TTLL11: variants seen among roughly 807,000 people sequenced by gnomAD.
The protein encoded by TTLL11 is tubulin tyrosine ligase like 11.
Under a neutral mutation model 51.7 loss-of-function variants are expected in TTLL11, and 42 were observed. The ratio of observed to expected loss-of-function variants is 0.81; its 90% CI spans 0.64 to 1.05. The LOEUF is 1.05. Among genes scored for constraint, TTLL11 ranks in the 50% least tolerant of loss-of-function variants. The probability of loss-of-function intolerance (pLI) is 0.00; values close to 1 mark genes in which losing one functional copy is unlikely to be tolerated. For synonymous variants in TTLL11, 381 were observed against 383.5 expected (o/e 0.99, Z 0.08); for missense variants, 799 against 940.4 (o/e 0.85, Z 1.97).
rs550110829 is a variant in TTLL11 at position 121,966,744 on chromosome 9, G to C, written c.1481+7265C>G. Among the ~76,000 whole-genome samples, 19 of 152,296 alleles carry C rather than the reference G, an allele frequency of 1.2e-4. No individual in the cohort carries two copies. The South Asian group carries it at 3.9e-3, about 32-fold the overall frequency. On this transcript the variant is annotated intron_variant, in intron 6 of 8. Coordinates refer to ENST00000321582, the MANE Select transcript of TTLL11 (RefSeq NM_001139442.2). ...ACATTGGTGTAGGAGTCAGGCCCAG[G>C]ACCCAGGTTCCAGTCTATCTCTTAC...
In TTLL11 at chr9:121,978,885, G is replaced by A. The variant is rs1159446633; in HGVS notation, c.1270-3906C>T. On this transcript the variant is annotated intron_variant, in intron 4 of 8. Coordinates refer to ENST00000321582, the MANE Select transcript of TTLL11 (RefSeq NM_001139442.2). ...AGGTCCTAGAGTCCACAAATTCAGC[G>A]TATCCAAACTCACTCTGTGGTCAAC... is the stretch of plus-strand genomic sequence containing the variant. Among the ~76,000 whole-genome samples, 5 of 152,188 alleles carry A rather than the reference G, an allele frequency of 3.3e-5. 1 individual carries two copies. The highest frequency in any genetic ancestry group is 4.1e-4 in the South Asian group (2 of 4,820).
At chr9:121,923,205 G>A (rs1238188429) in intron 6 of TTLL11, among the ~76,000 whole-genome samples, 2 of 152,036 alleles carry the variant, frequency 1.3e-5, no homozygotes, top group East Asian at 3.9e-4. Context: ...CTGATTACGG[G>A]GATAAATTAT....
intron 4 of TTLL11, among the ~76,000 whole-genome samples, chr9:121,976,088 C>T (rs1057069491): frequency 2.6e-5 from 4 of 152,154 alleles, no homozygotes; most frequent in African/African-American, 7.2e-5. Context: ...CATAAAAATG[C>T]AGGGCCCTTT....
At chr9:121,909,472 TAAG>T (rs1564300265) in intron 6 of TTLL11, among the ~76,000 whole-genome samples, 1 of 152,132 alleles carries the variant, frequency 6.6e-6, no homozygotes, top group African/African-American at 2.4e-5. Flanking sequence ...ACTCAATAAA[TAAG>T]AAGGGCTCTA....
rs972654019 is a variant in TTLL11, at chr9:121,869,959, C to T, written c.1733+538G>A. On this transcript the variant is annotated intron_variant, in intron 7 of 8. Transcript: ENST00000321582. ...TGCAGCAAAGATATAATTTCTTTATCTCATGCTTTATCTTGAAAATTCATG... is the reference window on the plus strand; with the variant it reads ...TGCAGCAAAGATATAATTTCTTTATTTCATGCTTTATCTTGAAAATTCATG... Among the ~76,000 whole-genome samples the T allele has an allele frequency of 3.9e-5, 6 of 152,220 alleles. No homozygotes were observed. In the East Asian group the frequency reaches 7.7e-4, roughly 20 times the overall value.
In TTLL11 at chr9:122,023,130, T is replaced by A. The variant is rs1337757258; in HGVS notation, c.693+8593A>T. ...CAAATGTTAGGACTAAGAGGTATCA[T>A]TAGTAAAGGTAAAGGCAGATTACTA... is the stretch of plus-strand genomic sequence containing the variant. On this transcript the variant is annotated intron_variant, in intron 3 of 8. Coordinates refer to ENST00000321582, the MANE Select transcript of TTLL11 (RefSeq NM_001139442.2). 5.3e-5 allele frequency among the ~76,000 whole-genome samples: 8 copies of A among 151,966 alleles called. No individual in the cohort carries two copies. The East Asian group carries it at 1.5e-3, about 29-fold the overall frequency.
Position 121,816,911 on chromosome 9 carries a change from C to T in TTLL11, c.*5676G>A, listed in dbSNP as rs1836429051. ...ATATGCCATAGGGGAAAATTTCTCT[C>T]ACATTCATCAAACCAAATGGGAGAT... On this transcript the variant is annotated 3_prime_UTR_variant, in exon 9 of 9. Transcript: ENST00000321582. The T allele has an allele frequency of 6.6e-6, 1 of 152,156 alleles. No individual in the cohort carries two copies. Among genetic ancestry groups the T allele is most frequent in the African/African-American group, 2.4e-5 (1 of 41,444 alleles). 9.4% of individuals were successfully genotyped at this position (152,156 alleles called of 1,614,324 possible). A position where few individuals can be genotyped will look rare whatever the true frequency, so the allele number is the denominator to read the frequency against.
At chr9:121,960,730 G>T (rs184966638) in intron 6 of TTLL11, among the ~76,000 whole-genome samples, 2 of 152,136 alleles carry the variant, frequency 1.3e-5, no homozygotes, top group Non-Finnish European at 2.9e-5. Flanking sequence ...GAGGCATGGC[G>T]CAGTCCGGGG....
chr9:121,827,199 G>A (rs1021937994), intron 8 of TTLL11, among the ~76,000 whole-genome samples: 3 of 151,934 alleles, frequency 2.0e-5, no homozygotes, highest in African/African-American at 4.8e-5. Flanking sequence ...GAAATCTTCC[G>A]AGGGAGTCCA....
At position 121,890,295 on chromosome 9, in the gene TTLL11, T is replaced by A. The variant is rs1450379739; in HGVS notation, c.1482-19547A>T. On this transcript the variant is annotated intron_variant, in intron 6 of 8. Coordinates refer to ENST00000321582, the MANE Select transcript of TTLL11 (RefSeq NM_001139442.2). This position sits in a 1 kb window ranked among gnomAD's most constrained non-coding sequence, Gnocchi z 4.3. Reference sequence around the variant, plus strand: ...CAAGCCAGCCAAGTCCTATCCCTCCTGTCACTGCAGTTCACACACATCTCT... The same window carrying A: ...CAAGCCAGCCAAGTCCTATCCCTCCAGTCACTGCAGTTCACACACATCTCT... Among the ~76,000 whole-genome samples, 1 of 152,184 alleles carries A rather than the reference T, an allele frequency of 6.6e-6. No homozygotes were observed. The highest frequency in any genetic ancestry group is 2.4e-5 in the African/African-American group (1 of 41,454).
intron 3 of TTLL11, among the ~76,000 whole-genome samples, chr9:122,007,617 GCA>G (rs1843694319): frequency 6.6e-6 from 1 of 152,094 alleles, no homozygotes. Context: ...ATCCATGAGT[GCA>G]CACTAACAGG....
At chr9:121,862,751 T>A (rs183288778) in intron 7 of TTLL11, among the ~76,000 whole-genome samples, 1 of 152,392 alleles carries the variant, frequency 6.6e-6, no homozygotes, top group African/African-American at 2.4e-5. Context: ...TCAGGTTGGC[T>A]GAACTACATT....
intron 8 of TTLL11, among the ~76,000 whole-genome samples, chr9:121,854,944 A>G (rs1490331823): frequency 6.6e-6 from 1 of 152,174 alleles, no homozygotes; most frequent in Non-Finnish European, 1.5e-5. Context: ...TTAAATGACA[A>G]TTAACATTGG....
intron 3 of TTLL11, among the ~76,000 whole-genome samples, chr9:122,000,782 T>G (rs1026839845): frequency 6.6e-6 from 1 of 152,234 alleles, no homozygotes; most frequent in Non-Finnish European, 1.5e-5. Flanking sequence ...TTGTCTACTT[T>G]CTTAATAAAC....
intron 1 of TTLL11, among the ~76,000 whole-genome samples, chr9:122,066,382 AGAC>A (rs1345514568): frequency 6.6e-6 from 1 of 152,094 alleles, no homozygotes; most frequent in Non-Finnish European, 1.5e-5. Flanking sequence ...GTGGAGTGGG[AGAC>A]AACAGGGAAG....
At chr9:121,850,849 C>T (rs1000127784) in intron 8 of TTLL11, among the ~76,000 whole-genome samples, 1 of 152,132 alleles carries the variant, frequency 6.6e-6, no homozygotes, top group African/African-American at 2.4e-5. Flanking sequence ...TGGTAATTGC[C>T]CAATCGTGCT....
At chr9:121,840,091 C>T (rs989396243) in intron 8 of TTLL11, among the ~76,000 whole-genome samples, 1 of 144,046 alleles carries the variant, frequency 6.9e-6, no homozygotes, top group Non-Finnish European at 1.6e-5. Flanking sequence ...GGAGCTGCAT[C>T]GAATCACCCA....
chr9:121,875,966 T>C lies in TTLL11; in HGVS notation c.1482-5218A>G, dbSNP rs187644412. Reference sequence around the variant, plus strand: ...TTGCCTGGAAAGTTAACTGTTCATTTATCAAGGGCCTACTACATGTCTAAC... The same window carrying C: ...TTGCCTGGAAAGTTAACTGTTCATTCATCAAGGGCCTACTACATGTCTAAC... On this transcript the variant is annotated intron_variant, in intron 6 of 8. Coordinates refer to ENST00000321582, the MANE Select transcript of TTLL11 (RefSeq NM_001139442.2). Among the ~76,000 whole-genome samples the C allele has an allele frequency of 9.8e-4, 149 of 152,352 alleles. 2 individuals are homozygous for C. Among genetic ancestry groups the C allele is most frequent in the Admixed American group, 9.0e-3 (138 of 15,304 alleles).
At chr9:121,823,209 C>T (rs1242756173) in intron 8 of TTLL11, among the ~76,000 whole-genome samples, 1 of 152,222 alleles carries the variant, frequency 6.6e-6, no homozygotes, top group Admixed American at 6.5e-5. Context: ...TTAAACCTAG[C>T]TCAAAGCCTT....
Sources: gnomAD v4.1 joint callset for allele counts (sites outside exome capture counted in the v4.1 genomes callset) on GRCh38, gnomAD v4.1.1 for gene constraint, Gnocchi (gnomAD v3.1) non-coding constraint, MANE v1.5 for transcripts, NCBI Gene and HGNC (gene_info 2026-07-23, HGNC 2026-07-21) for gene names.